The following ARID5B variants were observed in gnomAD, a reference collection of about 807,000 sequenced individuals.
The protein encoded by ARID5B is AT-rich interaction domain 5B.
Under a neutral mutation model 97.2 loss-of-function variants are expected in ARID5B, and 13 were observed. The observed-to-expected ratio is 0.13, with a 90% CI of 0.09 to 0.21. The LOEUF (loss-of-function observed/expected upper bound fraction) is 0.21. Ranked by LOEUF, ARID5B falls within the 10% of genes least tolerant of loss-of-function variation. ARID5B has a pLI of 1.00. For missense variants in ARID5B, 1,210 were observed against 1,465.3 expected (o/e 0.83, Z 2.84); for synonymous variants, 556 against 570.3 (o/e 0.97, Z 0.36).
chr10:61,904,963 A>C (rs959392467), intron 2 of ARID5B, among the ~76,000 whole-genome samples: 9 of 152,184 alleles, frequency 5.9e-5, no homozygotes, highest in Non-Finnish European at 1.3e-4. Flanking sequence ...TCTGGAGGAG[A>C]GCCTTACAGA....
At chr10:61,967,805 T>A (rs1838566783) in intron 3 of ARID5B, among the ~76,000 whole-genome samples, 1 of 152,190 alleles carries the variant, frequency 6.6e-6, no homozygotes, top group Non-Finnish European at 1.5e-5. Flanking sequence ...ATGCTGGCAT[T>A]TTATTTCAAC....
intron 3 of ARID5B, among the ~76,000 whole-genome samples, chr10:61,954,800 A>G (rs1442938598): frequency 6.6e-6 from 1 of 152,180 alleles, no homozygotes; most frequent in Non-Finnish European, 1.5e-5. Context: ...TGAGGTCAGG[A>G]GTTGGAGACC....
chr10:62,081,214 T>C (rs1840209430), intron 8 of ARID5B, among the ~76,000 whole-genome samples: 1 of 152,224 alleles, frequency 6.6e-6, no homozygotes, highest in African/African-American at 2.4e-5. Flanking sequence ...TCTCACTGAT[T>C]TGATACCATA....
At chr10:62,085,570 A>C in intron 8 of ARID5B, 132 bp from the exon 9 acceptor site, 3 of 760,842 alleles carry the variant, frequency 3.9e-6, no homozygotes, top group Non-Finnish European at 6.6e-6. Flanking sequence ...AGTTTATAGA[A>C]GTATAGCACT....
At chr10:61,972,203 G>A (rs1170485059) in intron 3 of ARID5B, among the ~76,000 whole-genome samples, 2 of 143,256 alleles carry the variant, frequency 1.4e-5, no homozygotes, top group African/African-American at 2.6e-5. Flanking sequence ...ACATTATACT[G>A]TATCTCTAGT....
chr10:61,996,850 G>A (rs995393672), intron 3 of ARID5B, among the ~76,000 whole-genome samples: 3 of 149,996 alleles, frequency 2.0e-5, no homozygotes, highest in Non-Finnish European at 3.0e-5. Flanking sequence ...GGGGGGTTAG[G>A]AGAGAAATAA....
intron 4 of ARID5B, among the ~76,000 whole-genome samples, chr10:62,032,456 C>T (rs1054896277): frequency 3.9e-5 from 6 of 152,194 alleles, no homozygotes; most frequent in East Asian, 1.9e-4. Flanking sequence ...TGGTGAGTCA[C>T]GCCTGTAATC....
chr10:62,015,284 G>A (rs1226052994), intron 4 of ARID5B, among the ~76,000 whole-genome samples: 1 of 152,110 alleles, frequency 6.6e-6, no homozygotes, highest in Non-Finnish European at 1.5e-5. Flanking sequence ...TAATACTTAG[G>A]TAGGGATTGT....
chr10:62,092,343 G>GACC lies in ARID5B; in HGVS notation c.2882_2884dup (p.Thr961dup). 6.2e-7 allele frequency: 1 copy of GACC among 1,613,968 alleles called. No individual in the cohort carries two copies. Among genetic ancestry groups the GACC allele is most frequent in the Non-Finnish European group, 8.5e-7 (1 of 1,179,902 alleles). ...CCAAAGCCTGTCGGGTATCACCCATGACCATGTCAGGCCCTAAAAAATACC... is the reference window on the plus strand; with the variant it reads ...CCAAAGCCTGTCGGGTATCACCCATGACCACCATGTCAGGCCCTAAAAAATACC... On this transcript the variant is annotated inframe_insertion, in exon 10 of 10. Coordinates refer to ENST00000279873, the MANE Select transcript of ARID5B (RefSeq NM_032199.3).
chr10:62,042,816 G>A (rs1273438989), intron 4 of ARID5B, among the ~76,000 whole-genome samples: 1 of 151,626 alleles, frequency 6.6e-6, no homozygotes, highest in Non-Finnish European at 1.5e-5. Context: ...TCGGGAGGCC[G>A]AGGCAGGAGG....
chr10:62,091,019 A>C lies in ARID5B; in HGVS notation c.1556A>C (p.Glu519Ala). 1 of 1,614,170 alleles carries C rather than the reference A, an allele frequency of 6.2e-7. No individual in the cohort carries two copies. The highest frequency in any genetic ancestry group is 8.5e-7 in the Non-Finnish European group (1 of 1,180,016). ...ASRVDPEKDN[E>A]TDQGSNSEKV... ...AGAGTAGACCCAGAGAAGGACAACG[A>C]AACAGACCAAGGTTCCAACAGTGAG... The change falls in exon 10 of 10, where the codon GAA becomes GCA. Residue 519 changes from glutamate (E) to alanine (A), a missense_variant. Transcript: ENST00000279873.
chr10:61,927,879 T>G (rs1844134966), intron 2 of ARID5B, among the ~76,000 whole-genome samples: 1 of 151,792 alleles, frequency 6.6e-6, no homozygotes, highest in Non-Finnish European at 1.5e-5. Flanking sequence ...GTGTGTGGAG[T>G]CCCTCCATAT....
In ARID5B at chr10:61,947,261, C is replaced by CTTTTTTTTTTTTTTTTT. The variant is rs199587188; in HGVS notation, c.502+6862_502+6878dup. On this transcript the variant is annotated intron_variant, in intron 3 of 9. Coordinates refer to ENST00000279873, the MANE Select transcript of ARID5B (RefSeq NM_032199.3). Reference sequence around the variant, plus strand: ...ACCAGTATATCTTCTCACTTACTTTCTTTTTTTTTTTTTTTTTTTTTTTTT... The same window carrying CTTTTTTTTTTTTTTTTT: ...ACCAGTATATCTTCTCACTTACTTTCTTTTTTTTTTTTTTTTTTTTTTTTTTTTTTTTTTTTTTTTTT... Among the ~76,000 whole-genome samples the CTTTTTTTTTTTTTTTTT allele has an allele frequency of 2.1e-3, 259 of 124,250 alleles. 20 individuals carry two copies. The highest frequency in any genetic ancestry group is 4.9e-3 in the Middle Eastern group (1 of 204). 81.5% of individuals were successfully genotyped at this position (124,250 alleles called of 152,430 possible).
intron 4 of ARID5B, among the ~76,000 whole-genome samples, chr10:62,036,816 ACT>A (rs549998812): frequency 6.0e-4 from 91 of 152,080 alleles, no homozygotes; most frequent in Non-Finnish European, 9.9e-4. Context: ...TCACTGGGTG[ACT>A]CTGGGCGAGT....
intron 3 of ARID5B, among the ~76,000 whole-genome samples, chr10:61,984,409 A>G (rs141104695): frequency 6.6e-6 from 1 of 152,342 alleles, no homozygotes; most frequent in South Asian, 2.1e-4. Context: ...GCATATCTAC[A>G]TAAGGAGACT....
At chr10:62,041,730 G>C (rs931718526) in intron 4 of ARID5B, among the ~76,000 whole-genome samples, 4 of 152,152 alleles carry the variant, frequency 2.6e-5, no homozygotes, top group African/African-American at 9.7e-5. Context: ...AATGTTTTCT[G>C]TAGAGAGGTA....
At chr10:61,916,201 G>C (rs1441880641) in intron 2 of ARID5B, among the ~76,000 whole-genome samples, 1 of 152,186 alleles carries the variant, frequency 6.6e-6, no homozygotes, top group African/African-American at 2.4e-5. Context: ...TTGCAGGCAG[G>C]TGCCACCCCA....
intron 4 of ARID5B, among the ~76,000 whole-genome samples, chr10:62,034,209 T>C (rs1839532709): frequency 1.3e-5 from 2 of 152,212 alleles, no homozygotes; most frequent in South Asian, 4.1e-4. Context: ...AAAATTAGTA[T>C]AGCATAGAAC....
chr10:61,908,361 C>T (rs979990563), intron 2 of ARID5B, among the ~76,000 whole-genome samples: 1 of 152,176 alleles, frequency 6.6e-6, no homozygotes, highest in Non-Finnish European at 1.5e-5. Context: ...ATATGAGTCA[C>T]AACACATCAG....
Sources: gnomAD v4.1 joint callset for allele counts (sites outside exome capture counted in the v4.1 genomes callset) on GRCh38, gnomAD v4.1.1 for gene constraint, MANE v1.5 for transcripts, NCBI Gene and HGNC (gene_info 2026-07-23, HGNC 2026-07-21) for gene names.